LRRTM4: variants seen among roughly 807,000 people sequenced by gnomAD.
LRRTM4 encodes leucine-rich repeat transmembrane neuronal protein 4.
A neutral mutation model predicts 47.6 loss-of-function variants in LRRTM4; 25 were observed. That is an observed-to-expected ratio of 0.53 (90% confidence interval 0.38 to 0.73). LRRTM4 has a LOEUF of 0.73. Ranked by LOEUF, LRRTM4 falls within the 30% of genes least tolerant of loss-of-function variation. LRRTM4 has a pLI of 0.00. For missense variants in LRRTM4, 638 were observed against 713.4 expected (o/e 0.89, Z 1.20); for synonymous variants, 311 against 269.5 (o/e 1.15, Z -1.51).
At chr2:77,398,445 T>C (rs1673792736) in intron 3 of LRRTM4, among the ~76,000 whole-genome samples, 1 of 151,840 alleles carries the variant, frequency 6.6e-6, no homozygotes. Flanking sequence ...CATACTTTTT[T>C]TTCAGATAAA....
At chr2:76,900,890 T>A (rs1186281287) in intron 3 of LRRTM4, among the ~76,000 whole-genome samples, 1 of 152,168 alleles carries the variant, frequency 6.6e-6, no homozygotes, top group African/African-American at 2.4e-5. Context: ...TAATGTTGAT[T>A]AGAAGTACCA....
chr2:77,261,934 G>GGTGATTGAGCAAA (rs1430327686), intron 3 of LRRTM4, among the ~76,000 whole-genome samples: 3 of 152,076 alleles, frequency 2.0e-5, no homozygotes, highest in Admixed American at 6.6e-5. Context: ...GTGAGCAACA[G>GGTGATTGAGCAAA]GTGATTGAGC....
chr2:77,488,819 C>A (rs1412066273), intron 3 of LRRTM4, among the ~76,000 whole-genome samples: 1 of 151,950 alleles, frequency 6.6e-6, no homozygotes, highest in Non-Finnish European at 1.5e-5. Context: ...AAGCACTGAA[C>A]TATTTGGTAT....
intron 3 of LRRTM4, among the ~76,000 whole-genome samples, chr2:77,190,652 C>T (rs1262207019): frequency 6.6e-6 from 1 of 152,046 alleles, no homozygotes; most frequent in African/African-American, 2.4e-5. Flanking sequence ...ACTATTCATC[C>T]AGTCAGCTGG....
intron 3 of LRRTM4, among the ~76,000 whole-genome samples, chr2:77,111,461 G>C (rs112250473): frequency 5.8e-4 from 88 of 151,880 alleles, no homozygotes; most frequent in African/African-American, 1.9e-3. Context: ...CACTTTCCAA[G>C]GTTTCAGTTA....
chr2:77,067,606 C>T (rs1399075041), intron 3 of LRRTM4, among the ~76,000 whole-genome samples: 2 of 149,716 alleles, frequency 1.3e-5, no homozygotes, highest in Non-Finnish European at 3.0e-5. Flanking sequence ...CTTTCCAGAA[C>T]TCAGGAAAAA....
Position 77,519,614 on chromosome 2 carries a change from G to T in LRRTM4, c.255C>A (p.Asn85Lys), listed in dbSNP as rs748920678. 2 of 1,613,458 alleles carry T rather than the reference G, an allele frequency of 1.2e-6. No homozygotes were observed. The highest frequency in any genetic ancestry group is 4.5e-5 in the East Asian group (2 of 44,828). ...GGTCAAGATAAAGCCATATAAGCTG[G>T]TTAAGGCCGGCAAACTGATTGGATT... ...KLKSNQFAGL[N>K]QLIWLYLDHN... The change falls in exon 3 of 4, where the codon AAC becomes AAA. Residue 85 changes from asparagine (N) to lysine (K), a missense_variant. By Grantham distance (94) the Asn-to-Lys change is moderately conservative. Coordinates refer to ENST00000409884, the MANE Select transcript of LRRTM4 (RefSeq NM_001134745.3). The surrounding 1 kb of genome is among the most constrained non-coding windows in gnomAD (Gnocchi z 4.6).
chr2:77,331,656 A>G (rs1670975166), intron 3 of LRRTM4, among the ~76,000 whole-genome samples: 1 of 152,198 alleles, frequency 6.6e-6, no homozygotes, highest in Non-Finnish European at 1.5e-5. Context: ...TCCTATGTTA[A>G]TCTGGGCCTG....
At chr2:77,374,785 A>G (rs1291553753) in intron 3 of LRRTM4, among the ~76,000 whole-genome samples, 1 of 151,796 alleles carries the variant, frequency 6.6e-6, no homozygotes, top group African/African-American at 2.4e-5. Flanking sequence ...TGGTTGTACC[A>G]CTACTTGATC....
At chr2:77,362,125 GAAA>G (rs1672245294) in intron 3 of LRRTM4, among the ~76,000 whole-genome samples, 1 of 120,050 alleles carries the variant, frequency 8.3e-6, no homozygotes. Flanking sequence ...GAGAAAGAAA[GAAA>G]GAAAGAAAGA....
At chr2:77,480,818 GTGTGGAGAGAGAGAGAGA>G (rs1286411844) in intron 3 of LRRTM4, among the ~76,000 whole-genome samples, 4 of 115,010 alleles carry the variant, frequency 3.5e-5, no homozygotes, top group South Asian at 3.5e-4. Flanking sequence ...GTGTGTGTGT[GTGTGGAGAGAGAGAGAGA>G]GAGAGAGAGA....
chr2:77,240,374 G>T (rs1211988629), intron 3 of LRRTM4, among the ~76,000 whole-genome samples: 2 of 151,872 alleles, frequency 1.3e-5, no homozygotes, highest in African/African-American at 2.4e-5. Flanking sequence ...AGAATAAATG[G>T]ATTTTAAGTA....
chr2:77,152,074 T>G (rs1672445612), intron 3 of LRRTM4, among the ~76,000 whole-genome samples: 1 of 152,208 alleles, frequency 6.6e-6, no homozygotes, highest in Non-Finnish European at 1.5e-5. Flanking sequence ...TCTGATTAAT[T>G]TTTTAAATTG....
chr2:77,362,474 A>G (rs1441307958), intron 3 of LRRTM4, among the ~76,000 whole-genome samples: 1 of 152,216 alleles, frequency 6.6e-6, no homozygotes, highest in African/African-American at 2.4e-5. Context: ...TTTGAAAGAC[A>G]AAAGCTAAAA....
At position 77,069,532 on chromosome 2, in the gene LRRTM4, T is replaced by A. The variant is rs538404045; in HGVS notation, c.1552-320616A>T. Among the ~76,000 whole-genome samples, 11 of 152,264 alleles carry A rather than the reference T, an allele frequency of 7.2e-5. No individual in the cohort carries two copies. The South Asian group carries it at 2.3e-3, about 32-fold the overall frequency. ...CCAGTGAAGCCATCTTGTTCTGGACTTTTAATTTTGTAGAACTAATTCAAT... is the reference window on the plus strand; with the variant it reads ...CCAGTGAAGCCATCTTGTTCTGGACATTTAATTTTGTAGAACTAATTCAAT... On this transcript the variant is annotated intron_variant, in intron 3 of 3. Coordinates refer to ENST00000409884, the MANE Select transcript of LRRTM4 (RefSeq NM_001134745.3).
chr2:76,988,431 T>A (rs1031326520), intron 3 of LRRTM4, among the ~76,000 whole-genome samples: 1 of 151,782 alleles, frequency 6.6e-6, no homozygotes, highest in African/African-American at 2.4e-5. Context: ...TTCAGAGAAA[T>A]TTGTTCTCCA....
At chr2:77,084,566 A>G (rs149188897) in intron 3 of LRRTM4, among the ~76,000 whole-genome samples, 61 of 152,294 alleles carry the variant, frequency 4.0e-4, no homozygotes, top group African/African-American at 1.4e-3. Context: ...TGTTTTAACA[A>G]TTGTCTACAT....
chr2:76,789,651 A>C (rs888540849), intron 3 of LRRTM4, among the ~76,000 whole-genome samples: 1 of 152,016 alleles, frequency 6.6e-6, no homozygotes, highest in African/African-American at 2.4e-5. Context: ...CCCGCTCCCC[A>C]TTTATTCTTG....
At chr2:77,206,236 T>A (rs987475068) in intron 3 of LRRTM4, among the ~76,000 whole-genome samples, 1 of 150,308 alleles carries the variant, frequency 6.7e-6, no homozygotes, top group South Asian at 2.1e-4. Flanking sequence ...TGGAATGAGG[T>A]GGTGCAATCT....
Sources: gnomAD v4.1 joint callset for allele counts (sites outside exome capture counted in the v4.1 genomes callset) on GRCh38, gnomAD v4.1.1 for gene constraint, Gnocchi (gnomAD v3.1) non-coding constraint, MANE v1.5 for transcripts, NCBI Gene and HGNC (gene_info 2026-07-23, HGNC 2026-07-21) for gene names.